Variants in RHOT1 observed in about 807,000 individuals in gnomAD.
The protein encoded by RHOT1 is ras homolog family member T1.
Under a neutral mutation model 95.3 loss-of-function variants are expected in RHOT1, and 27 were observed. That is an observed-to-expected ratio of 0.28 (90% confidence interval 0.21 to 0.39). The LOEUF (loss-of-function observed/expected upper bound fraction) is 0.39, where lower values mean the gene tolerates loss of function less well. Among genes scored for constraint, RHOT1 ranks in the 10% least tolerant of loss-of-function variants. The probability of loss-of-function intolerance (pLI) is 1.00; values close to 1 mark genes in which losing one functional copy is unlikely to be tolerated. For synonymous variants in RHOT1, 227 were observed against 263.5 expected, an observed-to-expected ratio of 0.86 and a Z score of 1.34; for missense variants, 578 against 786.7, an observed-to-expected ratio of 0.73 and a Z score of 3.17.
At chr17:32,145,128 A>C (rs1416520116) in intron 1 of RHOT1, among the ~76,000 whole-genome samples, 2 of 152,044 alleles carry the variant, frequency 1.3e-5, no homozygotes, top group African/African-American at 4.8e-5. Context: ...GACGAAACCC[A>C]GTCTCTACTA....
At chr17:32,158,768 A>G (rs1395306912) in intron 1 of RHOT1, among the ~76,000 whole-genome samples, 1 of 152,038 alleles carries the variant, frequency 6.6e-6, no homozygotes, top group East Asian at 1.9e-4. Context: ...GTTTCTTGGT[A>G]TTTTAGCTAT....
intron 1 of RHOT1, among the ~76,000 whole-genome samples, chr17:32,149,627 A>ATGTGTGTGTG (rs1488563031): frequency 8.7e-4 from 76 of 87,144 alleles, no homozygotes; most frequent in East Asian, 4.8e-3. Context: ...ATATATATAT[A>ATGTGTGTGTG]TATATATATG....
At chr17:32,199,122 T>C (rs1208336265) in intron 12 of RHOT1, 91 bp downstream of exon 12, 5 of 1,031,280 alleles carry the variant, frequency 4.8e-6, no homozygotes, top group Non-Finnish European at 7.3e-6. Context: ...GGGATGTGTA[T>C]GTTACATAGC....
At chr17:32,186,457 G>T (rs1009599941) in intron 8 of RHOT1, among the ~76,000 whole-genome samples, 2 of 150,522 alleles carry the variant, frequency 1.3e-5, no homozygotes, top group Non-Finnish European at 1.5e-5. Flanking sequence ...TTCACCTCCT[G>T]GGTTCACACC....
chr17:32,206,357 C>T (rs1160928366), intron 16 of RHOT1, among the ~76,000 whole-genome samples: 1 of 150,960 alleles, frequency 6.6e-6, no homozygotes, highest in Non-Finnish European at 1.5e-5. Context: ...AGGCACACGT[C>T]ACTGCACCTG....
At chr17:32,145,544 A>G (rs913875654) in intron 1 of RHOT1, among the ~76,000 whole-genome samples, 13 of 152,182 alleles carry the variant, frequency 8.5e-5, no homozygotes, top group African/African-American at 2.9e-4. Context: ...GACTTTTGCA[A>G]TATCTCCCTT....
intron 8 of RHOT1, among the ~76,000 whole-genome samples, chr17:32,188,506 CAA>C (rs2036225997): frequency 6.6e-6 from 1 of 152,136 alleles, no homozygotes; most frequent in Admixed American, 6.5e-5. Context: ...TATATTTGTG[CAA>C]AGAGACATTT....
At chr17:32,167,534 A>G (rs1220165151) in intron 1 of RHOT1, among the ~76,000 whole-genome samples, 7 of 152,110 alleles carry the variant, frequency 4.6e-5, no homozygotes, top group African/African-American at 1.4e-4. Flanking sequence ...AGCCGGGATT[A>G]CAGGCGTGAG....
rs184861283 is a variant in RHOT1 at position 32,165,655 on chromosome 17, A to T, written c.38-5388A>T. Among the ~76,000 whole-genome samples the T allele has an allele frequency of 5.1e-3, 770 of 152,318 alleles. 4 individuals carry two copies. Among genetic ancestry groups the T allele is most frequent in the Non-Finnish European group, 6.8e-3 (464 of 68,034 alleles). On this transcript the variant is annotated intron_variant, in intron 1 of 19. Coordinates refer to ENST00000545287, the MANE Select transcript of RHOT1 (RefSeq NM_001033566.3). ...CATACATATTTATCTTTAAAATGGG[A>T]TCATATTGCACATGTTGACTTATAC... is the stretch of plus-strand genomic sequence containing the variant.
chr17:32,181,237 C>G (rs73286152), intron 6 of RHOT1, among the ~76,000 whole-genome samples: 1,725 of 152,254 alleles, frequency 0.011, 35 homozygotes, highest in African/African-American at 0.039. Flanking sequence ...AAGATTTTTC[C>G]CCACAGACTT....
chr17:32,158,785 T>C (rs2033237527), intron 1 of RHOT1, among the ~76,000 whole-genome samples: 1 of 152,204 alleles, frequency 6.6e-6, no homozygotes, highest in Admixed American at 6.5e-5. Flanking sequence ...CTATAAGTTC[T>C]TTTGATAAAT....
intron 11 of RHOT1, among the ~76,000 whole-genome samples, chr17:32,196,715 A>G (rs16967132): frequency 0.034 from 5,202 of 152,198 alleles, 296 homozygotes; most frequent in African/African-American, 0.12. Flanking sequence ...TCAGATGACA[A>G]TGTTTCTCAG....
chr17:32,162,219 C>A (rs973160540), intron 1 of RHOT1, among the ~76,000 whole-genome samples: 1 of 152,020 alleles, frequency 6.6e-6, no homozygotes, highest in Non-Finnish European at 1.5e-5. Context: ...TCTGTTGCCC[C>A]CTCCTCCCCA....
In RHOT1 at chr17:32,175,298, T is replaced by C. The variant is rs756010757; in HGVS notation, c.179-21T>C. The C allele has an allele frequency of 3.1e-6, 5 of 1,609,930 alleles. No individual in the cohort carries two copies. In the African/African-American group the frequency reaches 4.0e-5, roughly 13 times the overall value. On this transcript the variant is annotated intron_variant, in intron 3 of 19. Coordinates refer to ENST00000545287, the MANE Select transcript of RHOT1 (RefSeq NM_001033566.3). ...ATGAAAGTGTCTGCAATATGAAACA[T>C]TGACTTCCTGTCATTTGTAGAAGCA...
rs535655817 is a variant in RHOT1 at position 32,161,944 on chromosome 17, G to A, written c.38-9099G>A. Among the ~76,000 whole-genome samples the A allele has an allele frequency of 1.8e-3, 279 of 152,280 alleles. No individual in the cohort carries two copies. The Middle Eastern group carries it at 0.024, about 13-fold the overall frequency. On this transcript the variant is annotated intron_variant, in intron 1 of 19. Transcript: ENST00000545287. The stretch of plus-strand genomic sequence containing the variant: ...ATGGGGAAAGGTCTGGAAGAGTCCC[G>A]AGCTCAGGAGCTTCTTTCTCTGTAG...
chr17:32,149,621 A>ATGTGTGTG (rs1469506893), intron 1 of RHOT1, among the ~76,000 whole-genome samples: 23 of 84,386 alleles, frequency 2.7e-4, no homozygotes, highest in African/African-American at 1.3e-3. Context: ...ATATATATAT[A>ATGTGTGTG]TATATATATA....
At chr17:32,184,020 C>T (rs914968069) in intron 8 of RHOT1, among the ~76,000 whole-genome samples, 3 of 152,190 alleles carry the variant, frequency 2.0e-5, no homozygotes, top group East Asian at 3.8e-4. Context: ...ACAGTAACTC[C>T]TTATTGAAAT....
intron 19 of RHOT1, among the ~76,000 whole-genome samples, chr17:32,220,012 T>C (rs1055516408): frequency 7.2e-5 from 11 of 152,238 alleles, no homozygotes; most frequent in African/African-American, 2.7e-4. Flanking sequence ...AAAGTCTATC[T>C]TAATGAAAAC....
At chr17:32,162,146 G>A (rs902283304) in intron 1 of RHOT1, among the ~76,000 whole-genome samples, 1 of 152,164 alleles carries the variant, frequency 6.6e-6, no homozygotes, top group African/African-American at 2.4e-5. Flanking sequence ...GGGGCTGAGA[G>A]TTCTGACCCT....
Sources: gnomAD v4.1 joint callset for allele counts (sites outside exome capture counted in the v4.1 genomes callset) on GRCh38, gnomAD v4.1.1 for gene constraint, MANE v1.5 for transcripts, NCBI Gene and HGNC (gene_info 2026-07-23, HGNC 2026-07-21) for gene names.